The following MTA3 variants were observed in gnomAD, a reference collection of about 807,000 sequenced individuals.
MTA3 encodes metastasis-associated protein MTA3.
A neutral mutation model predicts 83.5 loss-of-function variants in MTA3; 34 were observed. The observed-to-expected ratio is 0.41, with a 90% CI of 0.31 to 0.54. MTA3 has a LOEUF of 0.54. Among genes scored for constraint, MTA3 ranks in the 20% least tolerant of loss-of-function variants. MTA3 has a pLI of 0.33. For synonymous variants in MTA3, 303 were observed against 252.7 expected, an observed-to-expected ratio of 1.20 and a Z score of -1.89; for missense variants, 761 against 726.4, an observed-to-expected ratio of 1.05 and a Z score of -0.55.
intron 16 of MTA3, among the ~76,000 whole-genome samples, chr2:42,753,033 T>TC (rs1435440094): frequency 1.3e-5 from 2 of 151,748 alleles, no homozygotes; most frequent in Non-Finnish European, 2.9e-5. Flanking sequence ...CAAGCAGTCC[T>TC]CCCCCCTCAG....
At chr2:42,675,838 G>A (rs935036526) in intron 8 of MTA3, among the ~76,000 whole-genome samples, 3 of 152,212 alleles carry the variant, frequency 2.0e-5, no homozygotes, top group African/African-American at 4.8e-5. Flanking sequence ...AGCTCTTAAG[G>A]GTAAGATTAG....
intron 14 of MTA3, among the ~76,000 whole-genome samples, chr2:42,715,600 C>G (rs1666974557): frequency 6.6e-6 from 1 of 152,022 alleles, no homozygotes; most frequent in African/African-American, 2.4e-5. Context: ...AAGCTTTGAT[C>G]TCCCATTCAG....
chr2:42,579,126 A>T lies in MTA3; in HGVS notation c.116A>T (p.Glu39Val), dbSNP rs768624676. The change falls in exon 3 of 17, where the codon GAA becomes GTA. Residue 39 changes from glutamate to valine, a missense_variant. Glu to Val is a moderately radical substitution (Grantham distance 121). Transcript: ENST00000405094. ...ELNKTASGNVEAKVVCFYRRR... is the reference protein window; with the variant it reads ...ELNKTASGNVVAKVVCFYRRR... ...TCTTAGACTGCAAGTGGCAACGTGG[A>T]AGCAAAAGTAGTATGCTTTTATAGA... 1 of 1,607,052 alleles carries T rather than the reference A, an allele frequency of 6.2e-7. No homozygotes were observed. Among genetic ancestry groups the T allele is most frequent in the Non-Finnish European group, 8.5e-7 (1 of 1,176,994 alleles).
At chr2:42,670,702 G>A (rs1189660891) in intron 8 of MTA3, among the ~76,000 whole-genome samples, 1 of 151,580 alleles carries the variant, frequency 6.6e-6, no homozygotes, top group Non-Finnish European at 1.5e-5. Flanking sequence ...GGCCTAGTGC[G>A]AGAGCTCAGT....
intron 8 of MTA3, among the ~76,000 whole-genome samples, chr2:42,665,682 G>A (rs1690173338): frequency 6.6e-6 from 1 of 152,120 alleles, no homozygotes; most frequent in African/African-American, 2.4e-5. Flanking sequence ...ACTTTTGCCT[G>A]GACTTTGAAG....
intron 16 of MTA3, among the ~76,000 whole-genome samples, chr2:42,725,665 G>A (rs537825975): frequency 3.9e-5 from 6 of 152,286 alleles, no homozygotes; most frequent in African/African-American, 9.6e-5. Flanking sequence ...CTGCCCTGCC[G>A]GTGCAGGCAC....
intron 2 of MTA3, among the ~76,000 whole-genome samples, chr2:42,518,807 A>G (rs1675276598): frequency 6.6e-6 from 1 of 151,922 alleles, no homozygotes; most frequent in African/African-American, 2.4e-5. Flanking sequence ...CCCTACAAAT[A>G]ATTTAAAAAT....
intron 12 of MTA3, among the ~76,000 whole-genome samples, chr2:42,707,368 C>T (rs560154385): frequency 1.3e-5 from 2 of 152,130 alleles, no homozygotes; most frequent in Admixed American, 6.5e-5. Context: ...CTCAGCCTAC[C>T]GAGTAGCTAG....
chr2:42,713,431 G>A (rs1023816910), intron 14 of MTA3, among the ~76,000 whole-genome samples: 5 of 152,202 alleles, frequency 3.3e-5, no homozygotes, highest in Middle Eastern at 3.4e-3. Context: ...GGTATTTTTG[G>A]TAGAGAGTTT....
chr2:42,567,346 C>T (rs959555158), upstream of MTA3, among the ~76,000 whole-genome samples: 15 of 152,146 alleles, frequency 9.9e-5, no homozygotes, highest in African/African-American at 3.1e-4. Flanking sequence ...TTTGCCTCAG[C>T]TATGCACAGT....
intron 7 of MTA3, among the ~76,000 whole-genome samples, chr2:42,656,763 C>G (rs1031814846): frequency 2.0e-5 from 3 of 152,170 alleles, no homozygotes; most frequent in Non-Finnish European, 4.4e-5. Flanking sequence ...GGCTTCCTTC[C>G]TTCCTCCCCT....
intron 4 of MTA3, among the ~76,000 whole-genome samples, chr2:42,629,019 A>T (rs1686406476): frequency 6.6e-6 from 1 of 152,164 alleles, no homozygotes; most frequent in South Asian, 2.1e-4. Flanking sequence ...GGGATGGTAT[A>T]TCCAGTTTGG....
intron 2 of MTA3, among the ~76,000 whole-genome samples, chr2:42,500,736 A>G (rs979539586): frequency 6.6e-6 from 1 of 152,152 alleles, no homozygotes; most frequent in Non-Finnish European, 1.5e-5. Context: ...ACACTTTATT[A>G]ACAAGTACAG....
At chr2:42,599,912 A>G (rs1682341692) in intron 3 of MTA3, among the ~76,000 whole-genome samples, 1 of 151,918 alleles carries the variant, frequency 6.6e-6, no homozygotes, top group South Asian at 2.1e-4. Context: ...AAACTTGCTT[A>G]TGGGCCAGGC....
intron 3 of MTA3, among the ~76,000 whole-genome samples, chr2:42,583,536 C>A (rs766663951): frequency 1.3e-5 from 2 of 151,954 alleles, no homozygotes; most frequent in Admixed American, 6.6e-5. Context: ...TCATTATGGA[C>A]TTTTTTTTAT....
chr2:42,640,028 G>T, intron 4 of MTA3, 145 bp from the exon 5 acceptor site: 1 of 555,296 alleles, frequency 1.8e-6, no homozygotes. Context: ...ATTGTAAAGT[G>T]GGTCTAAATG....
intron 2 of MTA3, among the ~76,000 whole-genome samples, chr2:42,548,861 TA>T (rs1676917291): frequency 1.3e-4 from 1 of 7,484 alleles, no homozygotes; most frequent in African/African-American, 8.8e-4. Context: ...ATATATATAA[TA>T]TATATATATA....
chr2:42,714,648 C>G (rs1455076965), intron 14 of MTA3, among the ~76,000 whole-genome samples: 2 of 152,200 alleles, frequency 1.3e-5, no homozygotes, highest in East Asian at 1.9e-4. Context: ...AGATCATCCT[C>G]TAGGACAGTG....
intron 2 of MTA3, among the ~76,000 whole-genome samples, chr2:42,530,131 G>GCAA (rs780699976): frequency 1.3e-5 from 2 of 150,406 alleles, no homozygotes; most frequent in Non-Finnish European, 2.9e-5. Context: ...GTTGCAGTGA[G>GCAA]CCAAGATCAT....
Sources: gnomAD v4.1 joint callset for allele counts (sites outside exome capture counted in the v4.1 genomes callset) on GRCh38, gnomAD v4.1.1 for gene constraint, MANE v1.5 for transcripts, NCBI Gene and HGNC (gene_info 2026-07-23, HGNC 2026-07-21) for gene names.